Variants in CYYR1 observed in about 807,000 individuals in gnomAD.
The protein encoded by CYYR1 is cysteine and tyrosine-rich protein 1.
A neutral mutation model predicts 15.2 loss-of-function variants in CYYR1; 14 were observed. The observed-to-expected ratio is 0.92, with a 90% CI of 0.61 to 1.44. The LOEUF is 1.44. CYYR1 is among the 40% of genes most tolerant of loss of function. The pLI is 0.00. For synonymous variants in CYYR1, 80 were observed against 77.4 expected (o/e 1.03, Z -0.18); for missense variants, 228 against 209.5 (o/e 1.09, Z -0.54).
intron 3 of CYYR1, among the ~76,000 whole-genome samples, chr21:26,476,396 G>A (rs910296711): frequency 2.2e-4 from 33 of 152,196 alleles, no homozygotes; most frequent in Middle Eastern, 3.4e-3. Context: ...TAAGACCTGC[G>A]AATATCCTTC....
At chr21:26,559,655 C>A (rs12151988) in intron 2 of CYYR1, among the ~76,000 whole-genome samples, 1 of 151,976 alleles carries the variant, frequency 6.6e-6, no homozygotes, top group Non-Finnish European at 1.5e-5. Flanking sequence ...ATGAATTGAT[C>A]TCATTTAATG....
chr21:26,554,410 C>T (rs1035020267), intron 2 of CYYR1, among the ~76,000 whole-genome samples: 1 of 151,710 alleles, frequency 6.6e-6, no homozygotes, highest in Admixed American at 6.6e-5. Flanking sequence ...TGGGTTTCTC[C>T]CTCTAATTCA....
intron 2 of CYYR1, among the ~76,000 whole-genome samples, chr21:26,538,632 G>A (rs1978341411): frequency 6.6e-6 from 1 of 151,888 alleles, no homozygotes; most frequent in Non-Finnish European, 1.5e-5. Flanking sequence ...CAGGTCTTTA[G>A]CTGTCATATA....
rs186242798 is a variant in CYYR1 at position 26,467,827 on chromosome 21, T to A, written c.*674A>T. The stretch of plus-strand genomic sequence containing the variant: ...ACTCCTGGACATATAGAAATTCACT[T>A]CACACCCACCTAAAATACGAGCAGA... On this transcript the variant is annotated 3_prime_UTR_variant, in exon 4 of 4. Transcript: ENST00000652641. 179 of 153,924 alleles carry A rather than the reference T, an allele frequency of 1.2e-3. No homozygotes were observed. The highest frequency in any genetic ancestry group is 1.6e-3 in the Admixed American group (25 of 15,676). The allele number at this position is 153,924 out of a possible 1,614,324, so 9.5% of individuals were successfully genotyped here.
At chr21:26,495,123 G>A (rs1409026315) in intron 2 of CYYR1, among the ~76,000 whole-genome samples, 1 of 152,212 alleles carries the variant, frequency 6.6e-6, no homozygotes, top group Middle Eastern at 3.2e-3. Context: ...GCAACCTGCA[G>A]TTATTCACAT....
intron 2 of CYYR1, among the ~76,000 whole-genome samples, chr21:26,491,746 A>C (rs1601746323): frequency 6.6e-6 from 1 of 152,294 alleles, no homozygotes; most frequent in Admixed American, 6.5e-5. Context: ...CACGTGCCTA[A>C]CCCAGTGTCT....
At chr21:26,535,932 C>T (rs1375399804) in intron 2 of CYYR1, among the ~76,000 whole-genome samples, 4 of 152,122 alleles carry the variant, frequency 2.6e-5, no homozygotes, top group African/African-American at 4.8e-5. Flanking sequence ...TCTGTTTTCA[C>T]GTTGATATAC....
chr21:26,477,917 T>C (rs2065124543), intron 3 of CYYR1: 1 of 1,308,466 alleles, frequency 7.6e-7, no homozygotes, highest in African/African-American at 1.5e-5. Flanking sequence ...GTTGGGAATA[T>C]TTGAAATTGC....
intron 3 of CYYR1, among the ~76,000 whole-genome samples, chr21:26,479,404 G>A (rs945876098): frequency 1.3e-5 from 2 of 151,976 alleles, no homozygotes; most frequent in Admixed American, 1.3e-4. Context: ...TTCCTGTAGA[G>A]ACAGAGAAAG....
intron 2 of CYYR1, among the ~76,000 whole-genome samples, chr21:26,525,990 G>C (rs1032187026): frequency 8.9e-6 from 1 of 111,774 alleles, no homozygotes; most frequent in Non-Finnish European, 1.9e-5. Context: ...ACACAGACAG[G>C]AACAATGGAC....
chr21:26,564,832 T>A, intron 2 of CYYR1: 1 of 1,228,166 alleles, frequency 8.1e-7, no homozygotes, highest in Non-Finnish European at 1.0e-6. Context: ...GCATCTGGTA[T>A]GTGGAGACAG....
chr21:26,563,191 T>C (rs1413763684), intron 2 of CYYR1, among the ~76,000 whole-genome samples: 2 of 152,078 alleles, frequency 1.3e-5, no homozygotes, highest in Non-Finnish European at 2.9e-5. Flanking sequence ...GAAGTAAATC[T>C]TAAAATTCCT....
intron 2 of CYYR1, among the ~76,000 whole-genome samples, chr21:26,513,681 A>G (rs2123525839): frequency 6.6e-6 from 1 of 152,224 alleles, no homozygotes; most frequent in Non-Finnish European, 1.5e-5. Flanking sequence ...AAAAGGGGAT[A>G]AAGTGGGAGT....
chr21:26,500,648 C>CAA (rs1278784866), intron 2 of CYYR1, among the ~76,000 whole-genome samples: 1 of 152,036 alleles, frequency 6.6e-6, no homozygotes, highest in Non-Finnish European at 1.5e-5. Context: ...CAACAGCTCT[C>CAA]ACACTGGTGG....
chr21:26,557,557 GGTAA>G (rs1979881500), intron 2 of CYYR1, among the ~76,000 whole-genome samples: 1 of 152,140 alleles, frequency 6.6e-6, no homozygotes, highest in Non-Finnish European at 1.5e-5. Context: ...TTTTGATAGA[GGTAA>G]AGAGGGCTAA....
chr21:26,565,563 C>G (rs1281946757), intron 2 of CYYR1, among the ~76,000 whole-genome samples: 3 of 152,198 alleles, frequency 2.0e-5, no homozygotes, highest in Admixed American at 1.3e-4. Flanking sequence ...GCACACTTTT[C>G]CAGCCGTACA....
intron 2 of CYYR1, among the ~76,000 whole-genome samples, chr21:26,516,577 A>C (rs1227855024): frequency 6.6e-6 from 1 of 152,234 alleles, no homozygotes; most frequent in Non-Finnish European, 1.5e-5. Context: ...ATCTCCCAAA[A>C]TATAATCAAT....
At chr21:26,522,545 T>C (rs1004391788) in intron 2 of CYYR1, among the ~76,000 whole-genome samples, 3 of 152,236 alleles carry the variant, frequency 2.0e-5, no homozygotes, top group Non-Finnish European at 4.4e-5. Context: ...TTTCACATCT[T>C]ACATTTCCAG....
At chr21:26,511,778 G>A (rs1317448547) in intron 2 of CYYR1, among the ~76,000 whole-genome samples, 1 of 152,104 alleles carries the variant, frequency 6.6e-6, no homozygotes, top group Non-Finnish European at 1.5e-5. Context: ...GAGAATGATT[G>A]CTTTCCTCCT....
Sources: allele counts gnomAD v4.1 joint callset (sites outside exome capture counted in the v4.1 genomes callset), GRCh38; gene constraint gnomAD v4.1.1; transcripts MANE v1.5; gene names NCBI Gene and HGNC (gene_info 2026-07-23, HGNC 2026-07-21).